The following IKBKB-DT variants were observed in gnomAD, a reference collection of about 807,000 sequenced individuals.
IKBKB-DT encodes the protein IKBKB antisense RNA.
At chr8:42,240,785 G>A (rs58284695) in intron 3 of IKBKB-DT, among the ~76,000 whole-genome samples, 2 of 151,818 alleles carry the variant, frequency 1.3e-5, no homozygotes, top group Non-Finnish European at 2.9e-5. Context: ...GGTCAGCCTG[G>A]CCAATATGGT....
At chr8:42,256,822 G>T (rs553008850) in intron 3 of IKBKB-DT, among the ~76,000 whole-genome samples, 34 of 152,168 alleles carry the variant, frequency 2.2e-4, no homozygotes, top group African/African-American at 8.2e-4. Context: ...ACCAGGAAAT[G>T]ACTTTTCTTA....
At chr8:42,242,626 G>A (rs567502076) in intron 3 of IKBKB-DT, among the ~76,000 whole-genome samples, 2 of 152,152 alleles carry the variant, frequency 1.3e-5, no homozygotes, top group Non-Finnish European at 2.9e-5. Flanking sequence ...TGGCCTGGTC[G>A]CTAGTCATTG....
chr8:42,267,682 G>A (rs544497268), intron 1 of IKBKB-DT, among the ~76,000 whole-genome samples: 16 of 152,230 alleles, frequency 1.1e-4, no homozygotes, highest in Middle Eastern at 3.4e-3. Flanking sequence ...AAGAAAAGGG[G>A]ACATTTTTCT....
At chr8:42,250,959 G>A (rs561931754) in intron 3 of IKBKB-DT, among the ~76,000 whole-genome samples, 14 of 152,256 alleles carry the variant, frequency 9.2e-5, no homozygotes, top group Non-Finnish European at 1.9e-4. Context: ...AGGGCTGCAC[G>A]CAGTGGCTCA....
At chr8:42,238,986 T>G (rs1187256696) in intron 3 of IKBKB-DT, among the ~76,000 whole-genome samples, 1 of 152,176 alleles carries the variant, frequency 6.6e-6, no homozygotes, top group Non-Finnish European at 1.5e-5. Context: ...ACTGCAACAC[T>G]GCTGTCTCTG....
At chr8:42,241,115 A>C (rs556716587) in intron 3 of IKBKB-DT, among the ~76,000 whole-genome samples, 24 of 152,086 alleles carry the variant, frequency 1.6e-4, no homozygotes, top group Non-Finnish European at 2.8e-4. Context: ...GTCAAATGTT[A>C]AAAGAAAAAA....
chr8:42,249,724 G>T (rs536606924), intron 3 of IKBKB-DT, among the ~76,000 whole-genome samples: 1 of 152,192 alleles, frequency 6.6e-6, no homozygotes, highest in Non-Finnish European at 1.5e-5. Context: ...ATGGAAGAAG[G>T]ATTTTACTCA....
intron 3 of IKBKB-DT, among the ~76,000 whole-genome samples, chr8:42,242,011 T>C (rs959833727): frequency 1.3e-5 from 2 of 152,036 alleles, no homozygotes; most frequent in Non-Finnish European, 2.9e-5. Flanking sequence ...GGTCAGGAGT[T>C]TGAAGCTGGC....
At chr8:42,264,081 G>C (rs1225230796) in intron 2 of IKBKB-DT, among the ~76,000 whole-genome samples, 1 of 151,250 alleles carries the variant, frequency 6.6e-6, no homozygotes, top group Admixed American at 6.6e-5. Flanking sequence ...CAAAGCGCTG[G>C]GATTACAGGT....
intron 3 of IKBKB-DT, among the ~76,000 whole-genome samples, chr8:42,244,184 G>A (rs1469058702): frequency 1.3e-5 from 2 of 152,174 alleles, no homozygotes; most frequent in African/African-American, 4.8e-5. Flanking sequence ...CCAAAATGAG[G>A]AAACCCAGGC....
chr8:42,249,555 G>A (rs1563276164), intron 3 of IKBKB-DT, among the ~76,000 whole-genome samples: 1 of 151,844 alleles, frequency 6.6e-6, no homozygotes, highest in Non-Finnish European at 1.5e-5. Context: ...TGAGTCTTAG[G>A]ATGACATGAG....
intron 3 of IKBKB-DT, among the ~76,000 whole-genome samples, chr8:42,240,694 G>A (rs1806990544): frequency 6.7e-6 from 1 of 148,852 alleles, no homozygotes; most frequent in Admixed American, 6.7e-5. Context: ...AACAGAATGT[G>A]GGCCAGACAC....
intron 3 of IKBKB-DT, among the ~76,000 whole-genome samples, chr8:42,258,990 A>G (rs760094255): frequency 2.6e-5 from 4 of 151,970 alleles, no homozygotes; most frequent in Non-Finnish European, 5.9e-5. Flanking sequence ...TAATTTTTCG[A>G]AACATATATT....
intron 3 of IKBKB-DT, among the ~76,000 whole-genome samples, chr8:42,241,311 A>T (rs908476618): frequency 7.8e-6 from 1 of 128,590 alleles, no homozygotes; most frequent in Admixed American, 9.3e-5. Flanking sequence ...GGAGGCAGAG[A>T]ATGTAATACC....
chr8:42,254,366 A>C (rs1475112679), intron 3 of IKBKB-DT, among the ~76,000 whole-genome samples: 1 of 152,260 alleles, frequency 6.6e-6, no homozygotes, highest in Non-Finnish European at 1.5e-5. Flanking sequence ...GATTAATCAT[A>C]TAGGCTCTTG....
chr8:42,269,679 G>C (rs1469302752), intron 1 of IKBKB-DT, among the ~76,000 whole-genome samples: 1 of 151,842 alleles, frequency 6.6e-6, no homozygotes, highest in Admixed American at 6.6e-5. Flanking sequence ...AGAGGGGAGA[G>C]GGGAGAAACC....
intron 3 of IKBKB-DT, among the ~76,000 whole-genome samples, chr8:42,244,582 C>A (rs901651903): frequency 6.6e-6 from 1 of 152,040 alleles, no homozygotes; most frequent in African/African-American, 2.4e-5. Context: ...TGGGATCTTG[C>A]TCTATCACCA....
At chr8:42,257,696 G>A (rs953603781) in intron 3 of IKBKB-DT, among the ~76,000 whole-genome samples, 2 of 152,094 alleles carry the variant, frequency 1.3e-5, no homozygotes, top group Non-Finnish European at 2.9e-5. Context: ...CACTTTGGGA[G>A]GCCAAGGCAG....
exon 2 of IKBKB-DT, chr8:42,265,632 G>C (rs542650705): frequency 1.2e-4 from 18 of 152,320 alleles, no homozygotes; most frequent in Middle Eastern, 3.4e-3. Context: ...TTTCTTAGAC[G>C]TCTACACCGG....
Sources: gnomAD v4.1 joint callset for allele counts (sites outside exome capture counted in the v4.1 genomes callset) on GRCh38, gnomAD v4.1.1 for gene constraint, MANE v1.5 for transcripts, NCBI Gene and HGNC (gene_info 2026-07-23, HGNC 2026-07-21) for gene names.